PDE10A: variants seen among roughly 807,000 people sequenced by gnomAD.
PDE10A encodes cAMP and cAMP-inhibited cGMP 3',5'-cyclic phosphodiesterase 10A.
A neutral mutation model predicts 97.7 loss-of-function variants in PDE10A; 39 were observed. That is an observed-to-expected ratio of 0.40 (90% CI 0.31 to 0.52). PDE10A has a LOEUF of 0.52. PDE10A is among the 20% of genes least tolerant of loss of function. The probability of loss-of-function intolerance (pLI) is 0.56; values close to 1 mark genes in which losing one functional copy is unlikely to be tolerated. For missense variants in PDE10A, 731 were observed against 1,047.8 expected, an observed-to-expected ratio of 0.70 and a Z score of 4.17; for synonymous variants, 371 against 376.8, an observed-to-expected ratio of 0.98 and a Z score of 0.18.
chr6:165,390,788 G>C (rs1785652129), intron 16 of PDE10A, among the ~76,000 whole-genome samples: 2 of 152,198 alleles, frequency 1.3e-5, no homozygotes, highest in African/African-American at 4.8e-5. Flanking sequence ...TCTTTGTCCT[G>C]ATAATGCTGA....
At chr6:165,919,431 T>A (rs1782693075) in intron 1 of PDE10A, among the ~76,000 whole-genome samples, 1 of 152,236 alleles carries the variant, frequency 6.6e-6, no homozygotes, top group African/African-American at 2.4e-5. Flanking sequence ...GATCTTGGTA[T>A]TCCACAGACC....
At chr6:165,564,918 A>C (rs2128340069) in intron 1 of PDE10A, among the ~76,000 whole-genome samples, 1 of 152,316 alleles carries the variant, frequency 6.6e-6, no homozygotes, top group South Asian at 2.1e-4. Flanking sequence ...CTTATAATAA[A>C]AATCTGCCCA....
chr6:165,429,802 A>AT (rs569774345), intron 9 of PDE10A, among the ~76,000 whole-genome samples: 7 of 152,164 alleles, frequency 4.6e-5, no homozygotes, highest in Middle Eastern at 3.4e-3. Flanking sequence ...AGCCAAAGGG[A>AT]TTTTTTCTAG....
intron 1 of PDE10A, among the ~76,000 whole-genome samples, chr6:165,573,466 C>T (rs1237788812): frequency 6.6e-6 from 1 of 152,112 alleles, no homozygotes; most frequent in African/African-American, 2.4e-5. Flanking sequence ...CTACATTTAG[C>T]TTTCCCCCTC....
chr6:165,700,769 C>CT (rs1791549751), intron 1 of PDE10A, among the ~76,000 whole-genome samples: 1 of 152,200 alleles, frequency 6.6e-6, no homozygotes, highest in Non-Finnish European at 1.5e-5. Flanking sequence ...CTTCATATCA[C>CT]TAGGCGGTCC....
chr6:165,505,748 A>G (rs1781156816), intron 2 of PDE10A, among the ~76,000 whole-genome samples: 1 of 152,164 alleles, frequency 6.6e-6, no homozygotes, highest in East Asian at 1.9e-4. Flanking sequence ...AGAGAAAACA[A>G]CACACATTTA....
At chr6:165,693,528 CAA>C (rs55830575) in intron 1 of PDE10A, among the ~76,000 whole-genome samples, 862 of 56,698 alleles carry the variant, frequency 0.015, 6 homozygotes, top group African/African-American at 0.05. Context: ...GAGGCTCCAC[CAA>C]AAAAAAAAAA....
At chr6:165,406,483 A>C (rs940466722) in intron 13 of PDE10A, among the ~76,000 whole-genome samples, 4 of 152,246 alleles carry the variant, frequency 2.6e-5, no homozygotes, top group African/African-American at 9.6e-5. Flanking sequence ...CTTTCTGTTA[A>C]TCGATTCCAA....
At chr6:165,509,142 G>T (rs969311516) in intron 2 of PDE10A, among the ~76,000 whole-genome samples, 8 of 151,746 alleles carry the variant, frequency 5.3e-5, no homozygotes, top group Admixed American at 3.3e-4. Context: ...GTCTTTTATT[G>T]ATATATATTA....
intron 18 of PDE10A, among the ~76,000 whole-genome samples, chr6:165,361,898 G>C (rs1583114261): frequency 6.6e-6 from 1 of 152,076 alleles, no homozygotes; most frequent in South Asian, 2.1e-4. Flanking sequence ...CTGGTTTGTG[G>C]TATACTTTGT....
intron 2 of PDE10A, among the ~76,000 whole-genome samples, chr6:165,532,479 G>A (rs1229434084): frequency 6.6e-6 from 1 of 151,988 alleles, no homozygotes; most frequent in Admixed American, 6.6e-5. Context: ...AAAGGGCAAT[G>A]TACAATAAGT....
At chr6:165,350,137 C>T (rs1390144387) in intron 18 of PDE10A, among the ~76,000 whole-genome samples, 3 of 152,186 alleles carry the variant, frequency 2.0e-5, no homozygotes, top group Non-Finnish European at 4.4e-5. Flanking sequence ...CAGCTTGCAT[C>T]GTGCACCTGG....
upstream of PDE10A, among the ~76,000 whole-genome samples, chr6:165,666,190 G>A (rs1429094543): frequency 6.6e-6 from 1 of 152,136 alleles, no homozygotes; most frequent in Non-Finnish European, 1.5e-5. Flanking sequence ...GCAAATCTGT[G>A]TCTTAACTGA....
Position 165,960,187 on chromosome 6 carries a change from A to G in PDE10A, c.-615+27342T>C, listed in dbSNP as rs540882280. On this transcript the variant is annotated intron_variant, in intron 1 of 19. Coordinates refer to the PDE10A transcript ENST00000366882. ...ACAGGTAAAATCAATGAGAATCAAT[A>G]AAGATCATAGTAAAGAAAACTAGAA... Among the ~76,000 whole-genome samples, 3 of 152,366 alleles carry G rather than the reference A, an allele frequency of 2.0e-5. No individual in the cohort carries two copies. The South Asian group carries it at 6.2e-4, about 32-fold the overall frequency.
chr6:165,973,599 C>A (rs1784761594), intron 1 of PDE10A, among the ~76,000 whole-genome samples: 1 of 151,558 alleles, frequency 6.6e-6, no homozygotes, highest in African/African-American at 2.4e-5. Context: ...TGAAGAAAGA[C>A]TCAGTTGTTC....
chr6:165,562,929 T>C (rs1240817223), intron 1 of PDE10A, among the ~76,000 whole-genome samples: 2 of 151,512 alleles, frequency 1.3e-5, no homozygotes, highest in Non-Finnish European at 2.9e-5. Flanking sequence ...GCCGGCGAGG[T>C]TGCCTAACAT....
intron 1 of PDE10A, chr6:165,775,835 G>T (rs1009754826): frequency 6.6e-6 from 1 of 152,158 alleles, no homozygotes; most frequent in Non-Finnish European, 1.5e-5. Flanking sequence ...ACAATTAATT[G>T]ATATTAAACT....
At chr6:165,635,236 G>A (rs991492111) in intron 1 of PDE10A, among the ~76,000 whole-genome samples, 1 of 152,176 alleles carries the variant, frequency 6.6e-6, no homozygotes, top group South Asian at 2.1e-4. Context: ...AGGCAAGTAT[G>A]ATCCCAAAAT....
chr6:165,368,629 T>A (rs1783989874), intron 18 of PDE10A, among the ~76,000 whole-genome samples: 1 of 152,066 alleles, frequency 6.6e-6, no homozygotes, highest in Admixed American at 6.5e-5. Context: ...AAATGGATAA[T>A]TAGACAACTT....
Sources: gnomAD v4.1 joint callset for allele counts (sites outside exome capture counted in the v4.1 genomes callset) on GRCh38, gnomAD v4.1.1 for gene constraint, MANE v1.5 for transcripts, NCBI Gene and HGNC (gene_info 2026-07-23, HGNC 2026-07-21) for gene names.